The following SRGAP2C variants were observed in gnomAD, a reference collection of about 807,000 sequenced individuals.
SRGAP2C encodes SLIT-ROBO Rho GTPase-activating protein 2C.
In SRGAP2C, 15 loss-of-function variants were observed where a neutral mutation model predicts 25.1. That is an observed-to-expected ratio of 0.60 (90% CI 0.40 to 0.92). The LOEUF (loss-of-function observed/expected upper bound fraction) is 0.92, where lower values mean the gene tolerates loss of function less well. Ranked by LOEUF, SRGAP2C falls within the 40% of genes least tolerant of loss-of-function variation. The pLI is 0.00. For missense variants in SRGAP2C, 144 were observed against 264.4 expected, an observed-to-expected ratio of 0.54 and a Z score of 3.16; for synonymous variants, 44 against 96.6, an observed-to-expected ratio of 0.46 and a Z score of 3.19.
chr1:121,213,029 ATAAT>A (rs1360298064), intron 2 of SRGAP2C, among the ~76,000 whole-genome samples: 1 of 145,710 alleles, frequency 6.9e-6, no homozygotes, highest in African/African-American at 2.5e-5. Context: ...GGCCTCTCTG[ATAAT>A]TAGTTTTCTA....
intron 3 of SRGAP2C, among the ~76,000 whole-genome samples, chr1:121,312,329 G>T: frequency 1.9e-5 from 1 of 52,932 alleles, no homozygotes; most frequent in Non-Finnish European, 3.9e-5. Context: ...TTCTTTATTA[G>T]TCTTGCTAGC....
chr1:121,352,925 T>A (rs1205775539), intron 4 of SRGAP2C, among the ~76,000 whole-genome samples: 1 of 142,318 alleles, frequency 7.0e-6, no homozygotes, highest in Non-Finnish European at 1.5e-5. Flanking sequence ...CCATCTCTAC[T>A]AAAAATACAA....
rs587716965 is a variant in SRGAP2C, at chr1:121,263,080, G to A, written c.68-21723G>A. Among the ~76,000 whole-genome samples the A allele has an allele frequency of 2.1e-3, 320 of 152,086 alleles. 1 individual carries two copies. The highest frequency in any genetic ancestry group is 6.9e-3 in the African/African-American group (288 of 41,540). Reference sequence around the variant, plus strand: ...TAGTAATAAGAATTTGAGACTGGGTGTGGTGGCTCATGCCTGTAATCTCAG... The same window carrying A: ...TAGTAATAAGAATTTGAGACTGGGTATGGTGGCTCATGCCTGTAATCTCAG... On this transcript the variant is annotated intron_variant, in intron 2 of 9. Coordinates refer to ENST00000367123, the MANE Select transcript of SRGAP2C (RefSeq NM_001329984.2).
chr1:121,208,906 A>G (rs1655182660), intron 2 of SRGAP2C, among the ~76,000 whole-genome samples: 1 of 150,664 alleles, frequency 6.6e-6, no homozygotes, highest in Non-Finnish European at 1.5e-5. Flanking sequence ...AGACCTTCAT[A>G]TAAGGGAAAG....
chr1:121,345,649 CT>C (rs782110661), intron 4 of SRGAP2C, among the ~76,000 whole-genome samples: 65 of 95,774 alleles, frequency 6.8e-4, no homozygotes, highest in African/African-American at 1.5e-3. Flanking sequence ...GGTTGCTCTT[CT>C]TTTTTTTTTT....
rs1248512986 is a variant in SRGAP2C, at chr1:121,374,960, T to C, written c.831+6T>C. ...ACCTATCTGACCTTATTGATGTAAG[T>C]GCTTAAAGCCAAGGGCCTGAGGGCC... On this transcript the variant is annotated splice_donor_region_variant and intron_variant, in intron 7 of 9. Coordinates refer to ENST00000367123, the MANE Select transcript of SRGAP2C (RefSeq NM_001329984.2). 5 of 776,416 alleles carry C rather than the reference T, an allele frequency of 6.4e-6. No homozygotes were observed. The highest frequency in any genetic ancestry group is 1.2e-5 in the Non-Finnish European group (5 of 415,760). The allele number at this position is 776,416 out of a possible 1,614,324, so 48.1% of individuals were successfully genotyped here. A position where few individuals can be genotyped will look rare whatever the true frequency, so the allele number is the denominator to read the frequency against.
chr1:121,296,260 C>T (rs1657597272), intron 3 of SRGAP2C, among the ~76,000 whole-genome samples: 1 of 152,082 alleles, frequency 6.6e-6, no homozygotes, highest in Non-Finnish European at 1.5e-5. Flanking sequence ...TGCACACATG[C>T]ACAGAGAGGG....
chr1:121,365,856 CAG>C (rs1659302076), intron 5 of SRGAP2C, among the ~76,000 whole-genome samples: 1 of 124,962 alleles, frequency 8.0e-6, no homozygotes, highest in Non-Finnish European at 1.7e-5. Flanking sequence ...CCAGTTTGAG[CAG>C]AGAGAGCTTT....
Position 121,196,140 on chromosome 1 carries a change from G to A in SRGAP2C, c.67+8627G>A, listed in dbSNP as rs1413758955. Among the ~76,000 whole-genome samples, 3 of 51,102 alleles carry A rather than the reference G, an allele frequency of 5.9e-5. 1 individual carries two copies. The highest frequency in any genetic ancestry group is 3.3e-4 in the African/African-American group (3 of 8,996). 33.5% of individuals were successfully genotyped at this position (51,102 alleles called of 152,430 possible). ...CTCTACTTACAATGTAGAATTAGCTGAGGGTGGTGGCACTTGCCCGTAATC... is the reference window on the plus strand; with the variant it reads ...CTCTACTTACAATGTAGAATTAGCTAAGGGTGGTGGCACTTGCCCGTAATC... On this transcript the variant is annotated intron_variant, in intron 2 of 9. Coordinates refer to ENST00000367123, the MANE Select transcript of SRGAP2C (RefSeq NM_001329984.2).
At chr1:121,320,893 C>A (rs1243039080) in intron 3 of SRGAP2C, among the ~76,000 whole-genome samples, 2 of 152,110 alleles carry the variant, frequency 1.3e-5, no homozygotes, top group Admixed American at 1.3e-4. Context: ...GCTACCCAAC[C>A]ACGGTCTAAC....
intron 2 of SRGAP2C, among the ~76,000 whole-genome samples, chr1:121,191,930 C>T (rs1192083658): frequency 1.4e-5 from 2 of 139,220 alleles, no homozygotes; most frequent in Non-Finnish European, 3.0e-5. Context: ...CTTAAGAGAA[C>T]AGTGTGTGTG....
intron 3 of SRGAP2C, among the ~76,000 whole-genome samples, chr1:121,293,754 G>A (rs1657539250): frequency 7.1e-6 from 1 of 140,974 alleles, no homozygotes; most frequent in African/African-American, 2.7e-5. Flanking sequence ...ACCTCCCCCG[G>A]AGCTGTAGCA....
chr1:121,258,465 CT>C (rs1205329141), intron 2 of SRGAP2C, among the ~76,000 whole-genome samples: 3,606 of 125,598 alleles, frequency 0.029, 188 homozygotes, highest in African/African-American at 0.13. Context: ...ATCTATCACT[CT>C]TTTTTTTTTT....
At chr1:121,364,342 TCTCA>T (rs1198344057) in intron 4 of SRGAP2C, among the ~76,000 whole-genome samples, 1 of 119,564 alleles carries the variant, frequency 8.4e-6, no homozygotes. Flanking sequence ...TGAGACAGAG[TCTCA>T]CTCTTGTCAC....
rs1296137228 is a variant in SRGAP2C at position 121,392,525 on chromosome 1, C to T, written c.*4670C>T. The T allele has an allele frequency of 8.9e-4, 132 of 147,836 alleles. No individual in the cohort carries two copies. The highest frequency in any genetic ancestry group is 3.4e-3 in the Middle Eastern group (1 of 290). The allele number at this position is 147,836 out of a possible 1,614,324, so 9.2% of individuals were successfully genotyped here. ...AATAAAGAGATAACCCAAACATAAGCGTCACAAACAGGCTTTCATACCATT... is the reference window on the plus strand; with the variant it reads ...AATAAAGAGATAACCCAAACATAAGTGTCACAAACAGGCTTTCATACCATT... On this transcript the variant is annotated 3_prime_UTR_variant, in exon 10 of 10. Coordinates refer to ENST00000367123, the MANE Select transcript of SRGAP2C (RefSeq NM_001329984.2).
chr1:121,208,607 G>T (rs1177046589), intron 2 of SRGAP2C, among the ~76,000 whole-genome samples: 1 of 152,132 alleles, frequency 6.6e-6, no homozygotes, highest in East Asian at 1.9e-4. Context: ...TACTGTATTC[G>T]CTATTTAACA....
chr1:121,231,201 G>GA lies in SRGAP2C; in HGVS notation c.67+43697dup, dbSNP rs781917846. Among the ~76,000 whole-genome samples, 610 of 112,344 alleles carry GA rather than the reference G, an allele frequency of 5.4e-3. 4 individuals carry two copies. The highest frequency in any genetic ancestry group is 7.3e-3 in the Non-Finnish European group (411 of 56,590). The allele number at this position is 112,344 out of a possible 152,430, so 73.7% of individuals were successfully genotyped here. A position where few individuals can be genotyped will look rare whatever the true frequency, so the allele number is the denominator to read the frequency against. On this transcript the variant is annotated intron_variant, in intron 2 of 9. Transcript: ENST00000367123. Reference sequence around the variant, plus strand: ...AAGTATAATTAAAGAAAAAGAAAAAGAAAAAAAAAGTCACCTTATCAAGAC... The same window carrying GA: ...AAGTATAATTAAAGAAAAAGAAAAAGAAAAAAAAAAGTCACCTTATCAAGAC...
At chr1:121,208,216 C>G (rs1443319279) in intron 2 of SRGAP2C, among the ~76,000 whole-genome samples, 1 of 152,186 alleles carries the variant, frequency 6.6e-6, no homozygotes, top group Admixed American at 6.5e-5. Context: ...TTTGATGAGA[C>G]TTGACCTATA....
At chr1:121,255,816 T>TCAAAAA (rs1553332291) in intron 2 of SRGAP2C, among the ~76,000 whole-genome samples, 3 of 141,250 alleles carry the variant, frequency 2.1e-5, no homozygotes, top group Non-Finnish European at 4.7e-5. Flanking sequence ...AGACTCAGTC[T>TCAAAAA]CAAAAACAAA....
Sources: gnomAD v4.1 joint callset for allele counts (sites outside exome capture counted in the v4.1 genomes callset) on GRCh38, gnomAD v4.1.1 for gene constraint, MANE v1.5 for transcripts, NCBI Gene and HGNC (gene_info 2026-07-23, HGNC 2026-07-21) for gene names.